Variants in OLFM3 observed in about 807,000 individuals in gnomAD.
OLFM3 encodes the protein noelin-3.
OLFM3 carries 20 observed loss-of-function variants against 48.6 expected under a neutral mutation model. The ratio of observed to expected loss-of-function variants is 0.41; its 90% CI spans 0.29 to 0.60. The LOEUF (loss-of-function observed/expected upper bound fraction) is 0.60, where lower values mean the gene tolerates loss of function less well. Among genes scored for constraint, OLFM3 ranks in the 20% least tolerant of loss-of-function variants. The pLI, the probability that OLFM3 is intolerant of heterozygous loss-of-function variation, is 0.28. For synonymous variants in OLFM3, 222 were observed against 198.1 expected, an observed-to-expected ratio of 1.12 and a Z score of -1.01; for missense variants, 437 against 544.3, an observed-to-expected ratio of 0.80 and a Z score of 1.96.
At chr1:101,886,894 G>A (rs1553177125) in intron 1 of OLFM3, among the ~76,000 whole-genome samples, 1 of 152,076 alleles carries the variant, frequency 6.6e-6, no homozygotes, top group Non-Finnish European at 1.5e-5. Context: ...TCCTATGACA[G>A]GCTCTGGGTA....
intron 3 of OLFM3, among the ~76,000 whole-genome samples, chr1:101,828,018 C>CTCTCTCTCTGTCTG (rs1654947004): frequency 1.2e-4 from 13 of 112,384 alleles, no homozygotes; most frequent in Admixed American, 4.3e-4. Context: ...TGCTCTCTCT[C>CTCTCTCTCTGTCTG]TCTCTCTCTC....
At chr1:101,921,621 G>C (rs1180712890) in intron 1 of OLFM3, among the ~76,000 whole-genome samples, 1 of 152,154 alleles carries the variant, frequency 6.6e-6, no homozygotes, top group East Asian at 1.9e-4. Context: ...CAACTACAGA[G>C]GGGTAAATCT....
chr1:101,821,669 A>G (rs1654612684), intron 4 of OLFM3, among the ~76,000 whole-genome samples: 1 of 152,122 alleles, frequency 6.6e-6, no homozygotes, highest in South Asian at 2.1e-4. Context: ...ATTGTTTGTG[A>G]CAATGGCCCC....
intron 1 of OLFM3, among the ~76,000 whole-genome samples, chr1:101,902,574 A>C (rs986404378): frequency 2.0e-5 from 3 of 152,104 alleles, no homozygotes; most frequent in Non-Finnish European, 4.4e-5. Flanking sequence ...ATTAAAAGAG[A>C]AATGTTTATA....
intron 1 of OLFM3, among the ~76,000 whole-genome samples, chr1:101,842,509 G>A (rs1655777190): frequency 6.6e-6 from 1 of 152,090 alleles, no homozygotes; most frequent in Non-Finnish European, 1.5e-5. Flanking sequence ...ATAGTGCCAT[G>A]GCACTACAGC....
intron 1 of OLFM3, among the ~76,000 whole-genome samples, chr1:101,915,270 C>G (rs980037797): frequency 6.6e-6 from 1 of 151,806 alleles, no homozygotes; most frequent in African/African-American, 2.4e-5. Context: ...TTTATTTAAC[C>G]AGTGGGAATT....
At chr1:101,916,033 T>C (rs937488893) in intron 1 of OLFM3, among the ~76,000 whole-genome samples, 3 of 152,150 alleles carry the variant, frequency 2.0e-5, no homozygotes, top group African/African-American at 7.2e-5. Context: ...AAAGACCGAA[T>C]TGACGCTACA....
intron 4 of OLFM3, among the ~76,000 whole-genome samples, chr1:101,819,631 C>G (rs557188866): frequency 6.6e-5 from 10 of 151,950 alleles, no homozygotes; most frequent in African/African-American, 1.7e-4. Flanking sequence ...AAGAATGAAT[C>G]TAGCCTCTTT....
chr1:101,850,360 C>T (rs1300785897), intron 1 of OLFM3, among the ~76,000 whole-genome samples: 1 of 151,650 alleles, frequency 6.6e-6, no homozygotes, highest in African/African-American at 2.4e-5. Context: ...CTTTTTATTA[C>T]CCAGAGAGTA....
In OLFM3 at chr1:101,942,987, T is replaced by G. The variant is rs78820278; in HGVS notation, c.69+53761A>C. 4.3e-4 allele frequency among the ~76,000 whole-genome samples: 65 copies of G among 152,294 alleles called. No individual in the cohort carries two copies. In the East Asian group the frequency reaches 5.0e-3, roughly 12 times the overall value. On this transcript the variant is annotated intron_variant, in intron 1 of 5. Coordinates refer to ENST00000370103, the MANE Select transcript of OLFM3 (RefSeq NM_058170.4). ...TGATTTATGAATGTCTGAGCTCAGA[T>G]GCATACAGGACTAACAAAACTCAGC...
At chr1:101,991,016 A>AAAAAAAAAAAAAAAAAAAAAATATATAT (rs1553186119) in intron 1 of OLFM3, among the ~76,000 whole-genome samples, 1 of 32,200 alleles carries the variant, frequency 3.1e-5, no homozygotes, top group Non-Finnish European at 5.2e-5. Flanking sequence ...AAAAAAAAAA[A>AAAAAAAAAAAAAAAAAAAAAATATATAT]ATATATATAT....
chr1:101,843,835 C>G (rs931920112), intron 1 of OLFM3, among the ~76,000 whole-genome samples: 1 of 152,132 alleles, frequency 6.6e-6, no homozygotes, highest in African/African-American at 2.4e-5. Flanking sequence ...TTGTGTAAAT[C>G]TGCTTTTCTT....
intron 4 of OLFM3, among the ~76,000 whole-genome samples, chr1:101,819,883 C>T (rs1247234474): frequency 6.6e-6 from 1 of 151,930 alleles, no homozygotes; most frequent in Non-Finnish European, 1.5e-5. Context: ...ATGCCTAACC[C>T]AGAGTTCTTG....
chr1:101,983,660 C>A lies in OLFM3; in HGVS notation c.69+13088G>T, dbSNP rs188149045. Among the ~76,000 whole-genome samples, 474 of 152,318 alleles carry A rather than the reference C, an allele frequency of 3.1e-3. 2 individuals carry two copies. Among genetic ancestry groups the A allele is most frequent in the African/African-American group, 0.011 (454 of 41,580 alleles). ...ACTCTGAGAATCTTAAATATCTGAA[C>A]TAATTATATTCTTCTTTAATAATTT... On this transcript the variant is annotated intron_variant, in intron 1 of 5. Transcript: ENST00000370103.
rs572089875 is a variant in OLFM3 at position 101,916,244 on chromosome 1, T to C, written c.70-79219A>G. On this transcript the variant is annotated intron_variant, in intron 1 of 5. Coordinates refer to ENST00000370103, the MANE Select transcript of OLFM3 (RefSeq NM_058170.4). ...TTCAAACTTTCAAAGACAGATATTA[T>C]CATTCCCCTCTTTCAGGTGAGAATG... Among the ~76,000 whole-genome samples, 8 of 152,262 alleles carry C rather than the reference T, an allele frequency of 5.3e-5. No homozygotes were observed. The South Asian group carries it at 1.7e-3, about 32-fold the overall frequency.
At chr1:101,867,680 G>C (rs1656909408) in intron 1 of OLFM3, among the ~76,000 whole-genome samples, 2 of 152,130 alleles carry the variant, frequency 1.3e-5, no homozygotes, top group Non-Finnish European at 2.9e-5. Flanking sequence ...CCCAACAACT[G>C]TTTGACTCAA....
intron 4 of OLFM3, among the ~76,000 whole-genome samples, chr1:101,808,349 T>C (rs190012233): frequency 7.4e-6 from 1 of 134,356 alleles, no homozygotes; most frequent in Admixed American, 7.2e-5. Context: ...GCAGGGTTGA[T>C]GAAAAGTGGT....
intron 1 of OLFM3, among the ~76,000 whole-genome samples, chr1:101,936,271 A>T (rs1659613755): frequency 6.6e-6 from 1 of 152,180 alleles, no homozygotes; most frequent in African/African-American, 2.4e-5. Context: ...CAACAGTTTC[A>T]GGATACAAAA....
chr1:101,985,299 T>C (rs1267121843), intron 1 of OLFM3, among the ~76,000 whole-genome samples: 2 of 152,252 alleles, frequency 1.3e-5, no homozygotes, highest in African/African-American at 2.4e-5. Flanking sequence ...CGTTTGGTCA[T>C]GTAAGTTAAC....
Sources: gnomAD v4.1 joint callset for allele counts (sites outside exome capture counted in the v4.1 genomes callset) on GRCh38, gnomAD v4.1.1 for gene constraint, MANE v1.5 for transcripts, NCBI Gene and HGNC (gene_info 2026-07-23, HGNC 2026-07-21) for gene names.